The following PPHLN1 variants were observed in gnomAD, a reference collection of about 807,000 sequenced individuals.
PPHLN1 encodes periphilin-1.
Under a neutral mutation model 51.3 loss-of-function variants are expected in PPHLN1, and 29 were observed. The ratio of observed to expected loss-of-function variants is 0.57; its 90% confidence interval spans 0.42 to 0.77. The LOEUF is 0.77. PPHLN1 is among the 30% of genes least tolerant of loss of function. The pLI is 0.00. For missense variants in PPHLN1, 436 were observed against 438.4 expected (o/e 0.99, Z 0.05); for synonymous variants, 147 against 147.8 (o/e 0.99, Z 0.04).
Position 42,441,811 on chromosome 12 carries a change from C to T in PPHLN1, c.*302C>T. On this transcript the variant is annotated 3_prime_UTR_variant, in exon 10 of 10. Transcript: ENST00000358314. ...TTGAGATTACAGGCGTGAGCCACCGCTCCCTGCCCAACACATATACCATCT... is the reference window on the plus strand; with the variant it reads ...TTGAGATTACAGGCGTGAGCCACCGTTCCCTGCCCAACACATATACCATCT... 9.1e-7 allele frequency: 1 copy of T among 1,093,836 alleles called. No homozygotes were observed. Among genetic ancestry groups the T allele is most frequent in the Non-Finnish European group, 1.1e-6 (1 of 901,102 alleles). 67.8% of individuals were successfully genotyped at this position (1,093,836 alleles called of 1,614,324 possible).
chr12:42,343,995 A>T, intron 2 of PPHLN1: 1 of 349,898 alleles, frequency 2.9e-6, no homozygotes, highest in South Asian at 2.2e-5. Flanking sequence ...TTATGAAAGC[A>T]AAAGCCTACC....
At chr12:42,412,161 C>A (rs530212788) in intron 9 of PPHLN1, among the ~76,000 whole-genome samples, 1 of 151,676 alleles carries the variant, frequency 6.6e-6, no homozygotes, top group Admixed American at 6.6e-5. Flanking sequence ...GCCAAGATCA[C>A]GCCACTGCAC....
chr12:42,440,842 T>C (rs547161877), intron 9 of PPHLN1, among the ~76,000 whole-genome samples: 1 of 152,318 alleles, frequency 6.6e-6, no homozygotes, highest in East Asian at 1.9e-4. Context: ...ACTTCCCAAA[T>C]TGCTAAGCTA....
chr12:42,374,392 T>G (rs1257798993), intron 4 of PPHLN1, among the ~76,000 whole-genome samples: 2 of 152,268 alleles, frequency 1.3e-5, no homozygotes, highest in Admixed American at 1.3e-4. Flanking sequence ...TTTTGTTAGC[T>G]GACTTCAACA....
Position 42,393,641 on chromosome 12 carries a change from G to A in PPHLN1, c.720G>A (p.Lys240=). Residue 240 remains lysine (K), a synonymous_variant, in exon 8 of 10, where the codon AAG becomes AAA. Transcript: ENST00000358314. ...AEAASKWAAE[K]LEKSDESNLP... ...CTGCAAGCAAGTGGGCTGCTGAAAA[G>A]CTAGAGAAATCAGATGAAAGTAACT... The A allele has an allele frequency of 6.2e-7, 1 of 1,611,616 alleles. No homozygotes were observed. Among genetic ancestry groups the A allele is most frequent in the East Asian group, 2.2e-5 (1 of 44,736 alleles).
chr12:42,431,919 A>G (rs969146553), intron 9 of PPHLN1: 28 of 1,568,416 alleles, frequency 1.8e-5, no homozygotes, highest in Non-Finnish European at 2.1e-5. Context: ...TCCTTCGTCT[A>G]CGAGACCTCG....
At chr12:42,343,848 CTG>C (rs1370575127) in intron 2 of PPHLN1, 2 of 434,388 alleles carry the variant, frequency 4.6e-6, no homozygotes, top group Non-Finnish European at 9.1e-6. Flanking sequence ...TTTTGACACA[CTG>C]TCACCAAAAG....
At chr12:42,429,002 A>G (rs897394708) in intron 9 of PPHLN1, among the ~76,000 whole-genome samples, 1 of 152,042 alleles carries the variant, frequency 6.6e-6, no homozygotes, top group African/African-American at 2.4e-5. Flanking sequence ...TTATTCTCAG[A>G]CACGACAATA....
intron 9 of PPHLN1, among the ~76,000 whole-genome samples, chr12:42,427,893 G>A (rs1390663667): frequency 1.3e-5 from 2 of 151,770 alleles, no homozygotes; most frequent in African/African-American, 4.8e-5. Context: ...AATCTATAAC[G>A]AACTCAATCA....
At chr12:42,394,616 T>C (rs573776501) in intron 8 of PPHLN1, among the ~76,000 whole-genome samples, 24 of 152,124 alleles carry the variant, frequency 1.6e-4, no homozygotes, top group Non-Finnish European at 3.4e-4. Flanking sequence ...CCTTTCTTTT[T>C]AAAAATGCTG....
chr12:42,417,732 T>G (rs2080526992), intron 9 of PPHLN1, among the ~76,000 whole-genome samples: 1 of 152,006 alleles, frequency 6.6e-6, no homozygotes, highest in Admixed American at 6.5e-5. Context: ...TGACGCAAAC[T>G]TAGTCTCTTT....
At position 42,351,894 on chromosome 12, in the gene PPHLN1, A is replaced by G. The variant is rs374624411; in HGVS notation, c.82A>G (p.Asn28Asp). Residue 28 changes from asparagine (N) to aspartate (D), a missense_variant, in exon 3 of 10, where the codon AAT becomes GAT. Coordinates refer to ENST00000358314, the MANE Select transcript of PPHLN1 (RefSeq NM_201439.2). Reference protein sequence around the residue: ...PPRSHPSDGYNRLVNIVPKKP... With the variant: ...PPRSHPSDGYDRLVNIVPKKP... Reference sequence around the variant, plus strand: ...TTTTTGTCTGTTTTAGGATGGCTACAATAGACTAGTTAATATTGTGCCAAA... The same window carrying G: ...TTTTTGTCTGTTTTAGGATGGCTACGATAGACTAGTTAATATTGTGCCAAA... 3 of 1,561,020 alleles carry G rather than the reference A, an allele frequency of 1.9e-6. No individual in the cohort carries two copies. Among genetic ancestry groups the G allele is most frequent in the Non-Finnish European group, 2.6e-6 (3 of 1,162,214 alleles).
chr12:42,338,327 A>G (rs2070996431), intron 2 of PPHLN1, among the ~76,000 whole-genome samples: 1 of 152,186 alleles, frequency 6.6e-6, no homozygotes, highest in Non-Finnish European at 1.5e-5. Context: ...TGTGTGCTTT[A>G]TTACTTTGGG....
rs1375526790 is a variant in PPHLN1 at position 42,372,853 on chromosome 12, T to G, written c.300-2010T>G. On this transcript the variant is annotated intron_variant, in intron 4 of 9. Transcript: ENST00000358314. ...TCACCTGCATCCTCATTTCTTAAAT[T>G]TATTTTTCTCATTTCATTAATCTAT... Among the ~76,000 whole-genome samples, 8 of 152,216 alleles carry G rather than the reference T, an allele frequency of 5.3e-5. No individual in the cohort carries two copies. The East Asian group carries it at 1.5e-3, about 29-fold the overall frequency.
intron 9 of PPHLN1, among the ~76,000 whole-genome samples, chr12:42,428,790 T>TA (rs1377853584): frequency 8.0e-5 from 12 of 149,740 alleles, no homozygotes; most frequent in Admixed American, 2.0e-4. Context: ...AATACTTAAT[T>TA]AAAAAAAATG....
chr12:42,346,332 A>G (rs776795499), intron 2 of PPHLN1, among the ~76,000 whole-genome samples: 52 of 151,240 alleles, frequency 3.4e-4, no homozygotes, highest in Non-Finnish European at 6.9e-4. Context: ...TTATCATGCA[A>G]TATTTTTTTG....
chr12:42,415,616 G>T (rs1413491420), intron 9 of PPHLN1, among the ~76,000 whole-genome samples: 1 of 152,208 alleles, frequency 6.6e-6, no homozygotes, highest in Non-Finnish European at 1.5e-5. Context: ...ACCAGGCTCT[G>T]ATTCGTGGCT....
intron 4 of PPHLN1, among the ~76,000 whole-genome samples, chr12:42,373,444 A>G (rs1010480872): frequency 2.0e-5 from 3 of 152,226 alleles, no homozygotes; most frequent in African/African-American, 7.2e-5. Context: ...TTAATCAGCT[A>G]GTGTTCAAAT....
chr12:42,335,429 T>C lies in PPHLN1; in HGVS notation c.-20-454T>C, dbSNP rs73118498. ...TTATTTAACATAGAGAGAGTAGATA[T>C]ATATTAAATGAAGACTGTAGAAAAG... On this transcript the variant is annotated intron_variant, in intron 1 of 9. Coordinates refer to ENST00000358314, the MANE Select transcript of PPHLN1 (RefSeq NM_201439.2). 8.4e-3 allele frequency among the ~76,000 whole-genome samples: 1,284 copies of C among 152,230 alleles called. 8 individuals are homozygous for C. Among genetic ancestry groups the C allele is most frequent in the Non-Finnish European group, 0.012 (822 of 68,004 alleles).
Sources: allele counts gnomAD v4.1 joint callset (sites outside exome capture counted in the v4.1 genomes callset), GRCh38; gene constraint gnomAD v4.1.1; transcripts MANE v1.5; gene names NCBI Gene and HGNC (gene_info 2026-07-23, HGNC 2026-07-21).